TRPA1: variants seen among roughly 807,000 people sequenced by gnomAD.
TRPA1 encodes the protein ankyrin-like with transmembrane domains 1.
Under a neutral mutation model 131.3 loss-of-function variants are expected in TRPA1, and 129 were observed. That is an observed-to-expected ratio of 0.98 (90% CI 0.85 to 1.14). TRPA1 has a LOEUF of 1.14. Among genes scored for constraint, TRPA1 ranks in the 50% most tolerant of loss-of-function variants. The probability of loss-of-function intolerance (pLI) is 0.00; values close to 1 mark genes in which losing one functional copy is unlikely to be tolerated. For missense variants in TRPA1, 1,304 were observed against 1,354.2 expected (o/e 0.96, Z 0.58); for synonymous variants, 441 against 451.7 (o/e 0.98, Z 0.30).
upstream of TRPA1, among the ~76,000 whole-genome samples, chr8:72,080,078 T>C (rs1048138148): frequency 6.6e-6 from 1 of 151,922 alleles, no homozygotes; most frequent in Admixed American, 6.6e-5. Context: ...CTTAAACATA[T>C]AAGACAATGC....
Position 72,050,849 on chromosome 8 carries a change from A to G in TRPA1, c.1834T>C (p.Phe612Leu). 2 of 1,609,978 alleles carry G rather than the reference A, an allele frequency of 1.2e-6. No individual in the cohort carries two copies. The highest frequency in any genetic ancestry group is 1.7e-6 in the Non-Finnish European group (2 of 1,177,470). ...SKRWDECLKI[F>L]SHNSPGNKCP... ...TTATTGCCTGGAGAATTATGACTGAAAATCTTAAGACATTCATCCCATCTG... is the reference window on the plus strand; with the variant it reads ...TTATTGCCTGGAGAATTATGACTGAGAATCTTAAGACATTCATCCCATCTG... The change falls in exon 15 of 27, where the codon TTC becomes CTC. Residue 612 changes from phenylalanine (F) to leucine (L), a missense_variant. Transcript: ENST00000262209.
intron 6 of TRPA1, 56 bp from the exon 7 acceptor site, chr8:72,061,817 C>G: frequency 5.1e-6 from 8 of 1,560,248 alleles, no homozygotes; most frequent in Non-Finnish European, 6.2e-6. Context: ...AAGAATATAA[C>G]TTATATTCAG....
intron 21 of TRPA1, among the ~76,000 whole-genome samples, chr8:72,034,752 C>T (rs1323393628): frequency 6.6e-6 from 1 of 152,152 alleles, no homozygotes; most frequent in African/African-American, 2.4e-5. Context: ...GCATCACCCC[C>T]AGGCTGATCG....
intron 4 of TRPA1, 79 bp from the exon 5 acceptor site, chr8:72,063,650 C>T: frequency 1.1e-6 from 1 of 886,876 alleles, no homozygotes; most frequent in Non-Finnish European, 1.9e-6. Context: ...ATGTGCCTCT[C>T]CCATATCATT....
intron 23 of TRPA1, among the ~76,000 whole-genome samples, chr8:72,032,587 C>T (rs1198734353): frequency 2.0e-5 from 3 of 152,182 alleles, no homozygotes; most frequent in Non-Finnish European, 4.4e-5. Context: ...AGATGCACAG[C>T]GGGCGCTGGA....
chr8:72,024,563 T>C (rs1811515252), intron 25 of TRPA1, among the ~76,000 whole-genome samples: 1 of 152,116 alleles, frequency 6.6e-6, no homozygotes, highest in South Asian at 2.1e-4. Context: ...TTGCACAGGC[T>C]AATGAATTGT....
intron 8 of TRPA1, 31 bp from the exon 9 acceptor site, chr8:72,057,847 G>GCTC: frequency 6.8e-7 from 1 of 1,480,626 alleles, no homozygotes. Flanking sequence ...TCAACAAAGA[G>GCTC]CTTAGAAACA....
At chr8:72,075,859 A>AGT (rs61575164), upstream of TRPA1, among the ~76,000 whole-genome samples, 11,579 of 134,762 alleles carry the variant, frequency 0.086, 548 homozygotes, top group African/African-American at 0.1. Flanking sequence ...CTTGCATGTG[A>AGT]GTGTGTGTGT....
intron 17 of TRPA1, among the ~76,000 whole-genome samples, chr8:72,041,803 TAAAGA>T (rs1812260631): frequency 6.6e-6 from 1 of 150,802 alleles, no homozygotes; most frequent in Non-Finnish European, 1.5e-5. Flanking sequence ...CTCAAGGAAA[TAAAGA>T]AAGAAGAACA....
chr8:72,054,317 A>G (rs10504526), intron 12 of TRPA1: 100,148 of 192,806 alleles, frequency 0.52, 26,693 homozygotes, highest in East Asian at 0.68. Context: ...TAGTAATATG[A>G]TACATGGCTA....
At chr8:72,088,067 G>C in the TRPA1 span, among the ~76,000 whole-genome samples, 1 of 152,212 alleles carries the variant, frequency 6.6e-6, no homozygotes, top group Non-Finnish European at 1.5e-5. Flanking sequence ...AGATCAGAGA[G>C]GGGAGTGGTG....
intron 2 of TRPA1, among the ~76,000 whole-genome samples, chr8:72,069,939 A>G (rs1806020543): frequency 6.6e-6 from 1 of 152,164 alleles, no homozygotes; most frequent in Non-Finnish European, 1.5e-5. Flanking sequence ...ACGAGAAAAA[A>G]GACACACTAC....
At chr8:72,030,310 C>T (rs2129433024) in intron 23 of TRPA1, among the ~76,000 whole-genome samples, 1 of 152,286 alleles carries the variant, frequency 6.6e-6, no homozygotes, top group South Asian at 2.1e-4. Flanking sequence ...CTAATCACCT[C>T]CCAAAGGCCC....
chr8:72,063,104 G>A (rs1006434350), intron 5 of TRPA1, among the ~76,000 whole-genome samples, 160 bp from the exon 6 acceptor site: 5 of 151,688 alleles, frequency 3.3e-5, no homozygotes, highest in African/African-American at 9.7e-5. Flanking sequence ...AAATTAGGCC[G>A]GGTGTGGTGG....
At chr8:72,068,888 C>A (rs1418018539) in intron 3 of TRPA1, 135 bp downstream of exon 3, 3 of 902,784 alleles carry the variant, frequency 3.3e-6, no homozygotes, top group African/African-American at 3.3e-5. Flanking sequence ...AGAAGTAAAG[C>A]AAATGTAATA....
chr8:72,079,345 G>T (rs75455452), upstream of TRPA1, among the ~76,000 whole-genome samples: 61 of 152,042 alleles, frequency 4.0e-4, no homozygotes, highest in African/African-American at 1.4e-3. Flanking sequence ...TTCTAGAAGT[G>T]TCAGCTCTTA....
intron 25 of TRPA1, among the ~76,000 whole-genome samples, chr8:72,024,711 T>TA (rs1275865572): frequency 2.0e-5 from 3 of 152,004 alleles, no homozygotes; most frequent in African/African-American, 7.2e-5. Flanking sequence ...AACATGCAAG[T>TA]GGAGATGTCA....
intron 12 of TRPA1, chr8:72,054,232 T>G (rs1805602747): frequency 7.3e-6 from 2 of 275,652 alleles, no homozygotes; most frequent in South Asian, 4.0e-5. Context: ...TTTTATTCTT[T>G]CAATGAACAC....
At chr8:72,044,993 T>C (rs531978467) in intron 17 of TRPA1, among the ~76,000 whole-genome samples, 1 of 152,116 alleles carries the variant, frequency 6.6e-6, no homozygotes, top group Admixed American at 6.6e-5. Context: ...CAAAAATAGA[T>C]ACATTTTTTT....
Sources: gnomAD v4.1 joint callset for allele counts (sites outside exome capture counted in the v4.1 genomes callset) on GRCh38, gnomAD v4.1.1 for gene constraint, MANE v1.5 for transcripts, NCBI Gene and HGNC (gene_info 2026-07-23, HGNC 2026-07-21) for gene names.